Variants in TAFA1 observed in about 807,000 individuals in gnomAD.
TAFA1 encodes the protein TAFA chemokine like family member 1, also known as chemokine-like protein TAFA-1.
A neutral mutation model predicts 18.5 loss-of-function variants in TAFA1; 4 were observed. The observed-to-expected ratio is 0.22, with a 90% confidence interval of 0.11 to 0.49. TAFA1 has a LOEUF of 0.49. Among genes scored for constraint, TAFA1 ranks in the 20% least tolerant of loss-of-function variants. The pLI, the probability that TAFA1 is intolerant of heterozygous loss-of-function variation, is 0.98. For missense variants in TAFA1, 147 were observed against 169.0 expected, an observed-to-expected ratio of 0.87 and a Z score of 0.72; for synonymous variants, 56 against 55.2, an observed-to-expected ratio of 1.01 and a Z score of -0.06.
intron 2 of TAFA1, among the ~76,000 whole-genome samples, chr3:68,139,560 G>T (rs928101284): frequency 6.6e-6 from 1 of 152,096 alleles, no homozygotes; most frequent in Non-Finnish European, 1.5e-5. Flanking sequence ...TAAATATATG[G>T]AATTGCTAAT....
intron 2 of TAFA1, among the ~76,000 whole-genome samples, chr3:68,219,039 G>A (rs1016647611): frequency 4.0e-5 from 6 of 150,098 alleles, no homozygotes; most frequent in African/African-American, 1.5e-4. Flanking sequence ...AAACCAAGAT[G>A]TTCTCTAAAA....
chr3:68,097,957 T>C (rs2065106219), intron 2 of TAFA1, among the ~76,000 whole-genome samples: 1 of 152,128 alleles, frequency 6.6e-6, no homozygotes, highest in African/African-American at 2.4e-5. Flanking sequence ...TTGCCAGGCC[T>C]GAAAGTGTTG....
intron 3 of TAFA1, among the ~76,000 whole-genome samples, chr3:68,511,619 AG>A (rs1359711422): frequency 2.0e-5 from 3 of 152,010 alleles, no homozygotes; most frequent in Non-Finnish European, 2.9e-5. Flanking sequence ...TTGGTTGAAA[AG>A]TAGTTTAAAA....
At chr3:68,505,365 T>C (rs571557018) in intron 3 of TAFA1, among the ~76,000 whole-genome samples, 15 of 152,298 alleles carry the variant, frequency 9.8e-5, no homozygotes, top group African/African-American at 3.6e-4. Context: ...TATAATCACA[T>C]TATGCAAGTT....
chr3:68,305,404 T>TAC (rs1264164815), intron 2 of TAFA1, among the ~76,000 whole-genome samples: 14 of 104,358 alleles, frequency 1.3e-4, no homozygotes, highest in Non-Finnish European at 1.5e-4. Flanking sequence ...TATATGACTA[T>TAC]ATGACTATAT....
At chr3:68,290,657 A>C (rs2068088623) in intron 2 of TAFA1, among the ~76,000 whole-genome samples, 2 of 152,136 alleles carry the variant, frequency 1.3e-5, no homozygotes, top group African/African-American at 2.4e-5. Context: ...ATAGTTAAAA[A>C]CACTTTAATA....
intron 2 of TAFA1, among the ~76,000 whole-genome samples, chr3:68,229,811 C>A (rs2066848170): frequency 2.0e-5 from 3 of 152,102 alleles, no homozygotes; most frequent in Admixed American, 2.0e-4. Context: ...TGTAGTTTAA[C>A]CCCCTTAAGG....
At chr3:68,153,128 A>G (rs1209376554) in intron 2 of TAFA1, among the ~76,000 whole-genome samples, 3 of 152,194 alleles carry the variant, frequency 2.0e-5, no homozygotes, top group Non-Finnish European at 2.9e-5. Flanking sequence ...CTCATAGTCA[A>G]GCTATCATTT....
intron 3 of TAFA1, among the ~76,000 whole-genome samples, chr3:68,505,188 G>A (rs898761536): frequency 1.3e-5 from 2 of 152,096 alleles, no homozygotes; most frequent in Non-Finnish European, 2.9e-5. Flanking sequence ...TGTGGAGAGA[G>A]AAACATTTTA....
At chr3:68,151,462 A>G (rs999466266) in intron 2 of TAFA1, among the ~76,000 whole-genome samples, 4 of 152,172 alleles carry the variant, frequency 2.6e-5, no homozygotes, top group African/African-American at 9.7e-5. Context: ...AGACTTAGTA[A>G]TTCATACAGA....
intron 3 of TAFA1, among the ~76,000 whole-genome samples, chr3:68,442,837 C>A (rs909300007): frequency 2.6e-5 from 4 of 152,176 alleles, no homozygotes; most frequent in Admixed American, 6.6e-5. Flanking sequence ...TAAACTGTTT[C>A]TCTCCATCAG....
At chr3:68,305,409 C>CTATATATATATATATATATA (rs773025236) in intron 2 of TAFA1, among the ~76,000 whole-genome samples, 1 of 38,200 alleles carries the variant, frequency 2.6e-5, no homozygotes, top group Non-Finnish European at 4.6e-5. Context: ...GACTATATGA[C>CTATATATATATATATATATA]TATATATATA....
chr3:68,186,409 T>C (rs1301558502), intron 2 of TAFA1, among the ~76,000 whole-genome samples: 1 of 152,050 alleles, frequency 6.6e-6, no homozygotes, highest in Non-Finnish European at 1.5e-5. Flanking sequence ...CAATGTGATG[T>C]TGTACTCCAA....
chr3:68,011,600 C>T (rs912679231), intron 2 of TAFA1, among the ~76,000 whole-genome samples: 4 of 152,092 alleles, frequency 2.6e-5, no homozygotes, highest in Non-Finnish European at 5.9e-5. Context: ...TACCAGAGTA[C>T]ATTACAATAA....
At chr3:68,501,288 A>G (rs1041728703) in intron 3 of TAFA1, among the ~76,000 whole-genome samples, 1 of 152,032 alleles carries the variant, frequency 6.6e-6, no homozygotes, top group Non-Finnish European at 1.5e-5. Flanking sequence ...GAATTACTGT[A>G]TAAAATGAAT....
At chr3:68,029,708 C>T (rs948319622) in intron 2 of TAFA1, among the ~76,000 whole-genome samples, 4 of 152,136 alleles carry the variant, frequency 2.6e-5, no homozygotes, top group African/African-American at 4.8e-5. Flanking sequence ...TGTACTCTTA[C>T]GTAATAATGC....
chr3:68,451,623 T>TG (rs1450934234), intron 3 of TAFA1, among the ~76,000 whole-genome samples: 1 of 152,078 alleles, frequency 6.6e-6, no homozygotes, highest in African/African-American at 2.4e-5. Context: ...AGGTTGATTT[T>TG]GGGGAAAAAA....
chr3:68,060,402 A>G (rs901706248), intron 2 of TAFA1, among the ~76,000 whole-genome samples: 6 of 152,128 alleles, frequency 3.9e-5, no homozygotes, highest in Admixed American at 2.0e-4. Context: ...TGGCCATAAA[A>G]CTGACTGATG....
intron 2 of TAFA1, chr3:68,247,014 GA>G (rs2067094416): frequency 6.6e-6 from 1 of 152,144 alleles, no homozygotes; most frequent in African/African-American, 2.4e-5. Context: ...CTTGATGTGA[GA>G]AAGAAATGAC....
Sources: gnomAD v4.1 joint callset for allele counts (sites outside exome capture counted in the v4.1 genomes callset) on GRCh38, gnomAD v4.1.1 for gene constraint, MANE v1.5 for transcripts, NCBI Gene and HGNC (gene_info 2026-07-23, HGNC 2026-07-21) for gene names.